Variants in FAM227B observed in about 807,000 individuals in gnomAD.
FAM227B encodes family with sequence similarity 227 member B.
FAM227B carries 88 observed loss-of-function variants against 73.8 expected under a neutral mutation model. The observed-to-expected ratio is 1.19, with a 90% CI of 1.00 to 1.42. FAM227B has a LOEUF of 1.42. FAM227B is among the 40% of genes most tolerant of loss of function. FAM227B has a pLI of 0.00. For synonymous variants in FAM227B, 210 were observed against 190.5 expected, an observed-to-expected ratio of 1.10 and a Z score of -0.84; for missense variants, 632 against 590.9, an observed-to-expected ratio of 1.07 and a Z score of -0.72.
At chr15:49,539,497 G>A (rs1478191317) in intron 10 of FAM227B, among the ~76,000 whole-genome samples, 1 of 152,168 alleles carries the variant, frequency 6.6e-6, no homozygotes, top group Non-Finnish European at 1.5e-5. Flanking sequence ...GTGGCTCCAG[G>A]GTCTGGGGCA....
Position 49,508,423 on chromosome 15 carries a change from T to C in FAM227B, c.875-75A>G, listed in dbSNP as rs1165981287. ...TACCTTTTAATTTGTCAAAGCATTT[T>C]TATGATAATTATACATTTCATCCTC... On this transcript the variant is annotated intron_variant, in intron 10 of 15. Transcript: ENST00000299338. The C allele has an allele frequency of 5.4e-6, 7 of 1,285,046 alleles. No homozygotes were observed. In the African/African-American group the frequency reaches 7.7e-5, roughly 14 times the overall value. The allele number at this position is 1,285,046 out of a possible 1,614,324, so 79.6% of individuals were successfully genotyped here. A position where few individuals can be genotyped will look rare whatever the true frequency, so the allele number is the denominator to read the frequency against.
intron 11 of FAM227B, among the ~76,000 whole-genome samples, chr15:49,421,513 G>A (rs1241511785): frequency 6.6e-6 from 1 of 152,158 alleles, no homozygotes; most frequent in Non-Finnish European, 1.5e-5. Flanking sequence ...CTATGTAGCA[G>A]ATATTAAGGA....
chr15:49,465,192 C>T (rs1367726169), intron 11 of FAM227B, among the ~76,000 whole-genome samples: 1 of 151,988 alleles, frequency 6.6e-6, no homozygotes, highest in African/African-American at 2.4e-5. Context: ...TGCAGTAACA[C>T]GATCTCAACT....
At chr15:49,419,299 G>A (rs751075917) in intron 11 of FAM227B, among the ~76,000 whole-genome samples, 1 of 152,146 alleles carries the variant, frequency 6.6e-6, no homozygotes, top group Non-Finnish European at 1.5e-5. Flanking sequence ...CCAGGTCCAT[G>A]GGACTCTGTG....
chr15:49,489,909 G>C (rs59325034), intron 11 of FAM227B, among the ~76,000 whole-genome samples: 23,414 of 53,098 alleles, frequency 0.44, 7,430 homozygotes, highest in Admixed American at 0.64. Context: ...GAGAGAGAGA[G>C]AGAGACAGAG....
intron 8 of FAM227B, among the ~76,000 whole-genome samples, chr15:49,569,855 A>G (rs1384999168): frequency 3.9e-5 from 6 of 151,950 alleles, no homozygotes; most frequent in Non-Finnish European, 5.9e-5. Context: ...GGTTCCACAT[A>G]TAAGTGAGAT....
Position 49,369,686 on chromosome 15 carries a change from A to G in FAM227B, c.1110+1616T>C, listed in dbSNP as rs141429190. Among the ~76,000 whole-genome samples, 538 of 152,308 alleles carry G rather than the reference A, an allele frequency of 3.5e-3. 3 individuals are homozygous for G. Among genetic ancestry groups the G allele is most frequent in the African/African-American group, 0.012 (515 of 41,560 alleles). On this transcript the variant is annotated intron_variant, in intron 12 of 15. Coordinates refer to ENST00000299338, the MANE Select transcript of FAM227B (RefSeq NM_152647.3). ...CCACAGGCACCCATTTAGCATGTGG[A>G]CAACTTCGGTGCCTGGAAAATTTTT...
chr15:49,394,492 G>A (rs1446169825), intron 11 of FAM227B, among the ~76,000 whole-genome samples: 1 of 152,064 alleles, frequency 6.6e-6, no homozygotes, highest in Non-Finnish European at 1.5e-5. Flanking sequence ...AAAGTAATAG[G>A]GAATGCAGTA....
chr15:49,576,041 T>A (rs2075418691), intron 7 of FAM227B: 1 of 152,212 alleles, frequency 6.6e-6, no homozygotes, highest in Non-Finnish European at 1.5e-5. Context: ...TCATATAAAC[T>A]CTCATGGCAA....
intron 11 of FAM227B, among the ~76,000 whole-genome samples, chr15:49,448,558 A>C (rs2052432418): frequency 6.6e-6 from 1 of 151,824 alleles, no homozygotes; most frequent in South Asian, 2.1e-4. Flanking sequence ...GATTAAAAAT[A>C]AATATACTAG....
rs866317665 is a variant in FAM227B, at chr15:49,508,233, G to A, written c.990C>T (p.Asp330=). The part of the protein sequence containing the change: ...PAKSVKERIA[D]SQEHISTSID... ...TACTAGTTGATATATGTTCTTGACT[G>A]TCTGCAATTCTTTCCTTTACTGATT... The change falls in exon 11 of 16, where the codon GAC becomes GAT. Residue 330 remains aspartate (D), a synonymous_variant. Coordinates refer to ENST00000299338, the MANE Select transcript of FAM227B (RefSeq NM_152647.3). 1 of 1,610,318 alleles carries A rather than the reference G, an allele frequency of 6.2e-7. No homozygotes were observed. Among genetic ancestry groups the A allele is most frequent in the Middle Eastern group, 1.7e-4 (1 of 6,044 alleles).
chr15:49,564,328 A>G (rs770369096), intron 9 of FAM227B, among the ~76,000 whole-genome samples: 8 of 152,194 alleles, frequency 5.3e-5, no homozygotes, highest in Non-Finnish European at 1.0e-4. Context: ...TAAAGAGTCA[A>G]AAACAATGGA....
intron 10 of FAM227B, among the ~76,000 whole-genome samples, chr15:49,513,844 A>C (rs1567453148): frequency 6.6e-6 from 1 of 152,088 alleles, no homozygotes; most frequent in Non-Finnish European, 1.5e-5. Flanking sequence ...GCACCTTATT[A>C]AATAGGGAAT....
chr15:49,495,550 T>C (rs2057525419), intron 11 of FAM227B, among the ~76,000 whole-genome samples: 1 of 152,156 alleles, frequency 6.6e-6, no homozygotes, highest in Admixed American at 6.5e-5. Context: ...TGGGGTTTCC[T>C]CACTCCTTAG....
At chr15:49,531,858 T>C (rs1837625900) in intron 10 of FAM227B, among the ~76,000 whole-genome samples, 1 of 151,968 alleles carries the variant, frequency 6.6e-6, no homozygotes, top group African/African-American at 2.4e-5. Flanking sequence ...AAATATAATT[T>C]GTGGCCATTA....
intron 11 of FAM227B, among the ~76,000 whole-genome samples, chr15:49,390,304 C>T (rs565067038): frequency 1.1e-4 from 16 of 151,968 alleles, no homozygotes; most frequent in African/African-American, 3.9e-4. Flanking sequence ...AATGGACACA[C>T]AGTGTGAGTG....
chr15:49,565,381 C>CAAAAAAAAAAAAAAA (rs3075974), intron 9 of FAM227B, among the ~76,000 whole-genome samples: 1 of 90,284 alleles, frequency 1.1e-5, no homozygotes, highest in Non-Finnish European at 2.3e-5. Context: ...GACTCCATCT[C>CAAAAAAAAAAAAAAA]AAAAAAAAAA....
chr15:49,574,185 A>AT (rs933293090), intron 8 of FAM227B, among the ~76,000 whole-genome samples: 11 of 151,856 alleles, frequency 7.2e-5, no homozygotes, highest in Admixed American at 7.2e-4. Flanking sequence ...CCCAAGAGCA[A>AT]TTTTTTTTAA....
At chr15:49,597,242 A>G (rs1388892672) in intron 3 of FAM227B, among the ~76,000 whole-genome samples, 2 of 152,060 alleles carry the variant, frequency 1.3e-5, no homozygotes, top group Non-Finnish European at 2.9e-5. Context: ...GTCTCAATAA[A>G]TTCAAGAAAA....
Sources: gnomAD v4.1 joint callset for allele counts (sites outside exome capture counted in the v4.1 genomes callset) on GRCh38, gnomAD v4.1.1 for gene constraint, MANE v1.5 for transcripts, NCBI Gene and HGNC (gene_info 2026-07-23, HGNC 2026-07-21) for gene names.